GIPC2: variants seen among roughly 807,000 people sequenced by gnomAD.
GIPC2 encodes GIPC PDZ domain containing family member 2, also known as PDZ domain-containing protein GIPC2.
A neutral mutation model predicts 30.6 loss-of-function variants in GIPC2; 30 were observed. The observed-to-expected ratio is 0.98, with a 90% CI of 0.73 to 1.33. The LOEUF (loss-of-function observed/expected upper bound fraction) is 1.33. GIPC2 is among the 40% of genes most tolerant of loss of function. The pLI is 0.00. For missense variants in GIPC2, 414 were observed against 390.3 expected, an observed-to-expected ratio of 1.06 and a Z score of -0.51; for synonymous variants, 167 against 150.0, an observed-to-expected ratio of 1.11 and a Z score of -0.83.
At chr1:78,098,376 T>A (rs1662177956) in intron 3 of GIPC2, among the ~76,000 whole-genome samples, 1 of 152,166 alleles carries the variant, frequency 6.6e-6, no homozygotes, top group South Asian at 2.1e-4. Flanking sequence ...CTTACCAATT[T>A]TGACTATACT....
chr1:78,086,885 A>G (rs1661937991), intron 2 of GIPC2, among the ~76,000 whole-genome samples: 1 of 151,996 alleles, frequency 6.6e-6, no homozygotes, highest in African/African-American at 2.4e-5. Context: ...TTGGTTCTTT[A>G]TCCAGCTTGC....
At chr1:78,113,586 A>G (rs1237767574) in intron 3 of GIPC2, among the ~76,000 whole-genome samples, 1 of 151,984 alleles carries the variant, frequency 6.6e-6, no homozygotes, top group Non-Finnish European at 1.5e-5. Context: ...ATGGAGTTTC[A>G]CCATATTGCC....
At chr1:78,078,187 C>CA (rs10694093) in intron 1 of GIPC2, among the ~76,000 whole-genome samples, 34,795 of 64,790 alleles carry the variant, frequency 0.54, 9,387 homozygotes, top group Non-Finnish European at 0.56. Context: ...GACTCCATCT[C>CA]AAAAAAAAAA....
intron 3 of GIPC2, among the ~76,000 whole-genome samples, chr1:78,106,716 T>C (rs1662360314): frequency 6.6e-6 from 1 of 152,220 alleles, no homozygotes; most frequent in Non-Finnish European, 1.5e-5. Flanking sequence ...GTTTCGTTCT[T>C]GTTGCCCAGG....
intron 3 of GIPC2, among the ~76,000 whole-genome samples, chr1:78,117,549 G>T (rs997702685): frequency 6.6e-6 from 1 of 152,200 alleles, no homozygotes; most frequent in Non-Finnish European, 1.5e-5. Context: ...TTCATTTTCT[G>T]TGAGAATCTC....
chr1:78,070,505 A>G (rs960585727), intron 1 of GIPC2, among the ~76,000 whole-genome samples: 9 of 148,850 alleles, frequency 6.0e-5, no homozygotes, highest in Non-Finnish European at 1.2e-4. Flanking sequence ...CTGAGTGTAA[A>G]AAGATTGTGG....
At chr1:78,133,751 TGTGTGTGTGTG>T (rs1454920713) in intron 5 of GIPC2, among the ~76,000 whole-genome samples, 4 of 320 alleles carry the variant, frequency 0.013, no homozygotes, top group East Asian at 0.14. Context: ...AAAAAAAAAT[TGTGTGTGTGTG>T]TGTGTGTGTG....
intron 1 of GIPC2, among the ~76,000 whole-genome samples, chr1:78,051,094 T>C (rs974461664): frequency 6.6e-6 from 1 of 151,870 alleles, no homozygotes; most frequent in Non-Finnish European, 1.5e-5. Flanking sequence ...GTGGAAATAT[T>C]GTAGGAAAAA....
chr1:78,066,189 G>GA (rs1161549683), intron 1 of GIPC2, among the ~76,000 whole-genome samples: 1 of 151,362 alleles, frequency 6.6e-6, no homozygotes, highest in Non-Finnish European at 1.5e-5. Flanking sequence ...AAAGTTACAA[G>GA]AAAAAAAACC....
At chr1:78,095,272 A>G in intron 3 of GIPC2, 140 bp downstream of exon 3, 1 of 579,554 alleles carries the variant, frequency 1.7e-6, no homozygotes, top group Non-Finnish European at 3.1e-6. Context: ...AACATAGAAA[A>G]TGGTAGCACT....
intron 5 of GIPC2, among the ~76,000 whole-genome samples, chr1:78,127,694 A>G (rs1380801388): frequency 1.3e-5 from 2 of 151,972 alleles, no homozygotes; most frequent in Non-Finnish European, 2.9e-5. Context: ...ACTTTTATTT[A>G]TCTTCTAATT....
At chr1:78,110,834 G>C (rs1219868850) in intron 3 of GIPC2, among the ~76,000 whole-genome samples, 2 of 152,148 alleles carry the variant, frequency 1.3e-5, no homozygotes, top group Non-Finnish European at 2.9e-5. Context: ...AATGAAGCAT[G>C]GGAGCCCACT....
At chr1:78,122,624 G>A (rs899526831) in intron 4 of GIPC2, among the ~76,000 whole-genome samples, 2 of 152,078 alleles carry the variant, frequency 1.3e-5, no homozygotes, top group Admixed American at 6.5e-5. Flanking sequence ...AACAGCCTGG[G>A]GGAAACCACC....
chr1:78,130,642 TAGC>T (rs979651047), intron 5 of GIPC2, among the ~76,000 whole-genome samples: 1 of 152,176 alleles, frequency 6.6e-6, no homozygotes, highest in Non-Finnish European at 1.5e-5. Context: ...ATGATTAAAC[TAGC>T]AATAATGATG....
At chr1:78,074,890 A>AT (rs1454485828) in intron 1 of GIPC2, among the ~76,000 whole-genome samples, 4 of 152,172 alleles carry the variant, frequency 2.6e-5, no homozygotes, top group African/African-American at 9.7e-5. Flanking sequence ...TACTTTAGAT[A>AT]TTTTTTAAAG....
chr1:78,126,849 G>C (rs1662792530), intron 5 of GIPC2, among the ~76,000 whole-genome samples: 1 of 152,156 alleles, frequency 6.6e-6, no homozygotes, highest in African/African-American at 2.4e-5. Context: ...TATTGTCGCT[G>C]GTTGGTCTGA....
chr1:78,068,502 T>C (rs111282850), intron 1 of GIPC2, among the ~76,000 whole-genome samples: 3,601 of 152,332 alleles, frequency 0.024, 45 homozygotes, highest in Middle Eastern at 0.071. Context: ...AGCATTCTTA[T>C]TTGATCAGCT....
intron 4 of GIPC2, among the ~76,000 whole-genome samples, chr1:78,123,274 AAAAAG>A (rs1262764651): frequency 6.6e-6 from 1 of 151,242 alleles, no homozygotes; most frequent in Non-Finnish European, 1.5e-5. Flanking sequence ...AAAAAAAAAA[AAAAAG>A]GGTCAGGAAG....
At chr1:78,096,397 T>TA (rs1474768664) in intron 3 of GIPC2, among the ~76,000 whole-genome samples, 1 of 152,200 alleles carries the variant, frequency 6.6e-6, no homozygotes, top group Admixed American at 6.5e-5. Context: ...AGACTCTTTG[T>TA]AAATCAAAGC....
Sources: gnomAD v4.1 joint callset for allele counts (sites outside exome capture counted in the v4.1 genomes callset) on GRCh38, gnomAD v4.1.1 for gene constraint, MANE v1.5 for transcripts, NCBI Gene and HGNC (gene_info 2026-07-23, HGNC 2026-07-21) for gene names.